Variants in SLC24A2 observed in about 807,000 individuals in gnomAD.
SLC24A2 encodes sodium/potassium/calcium exchanger 2.
A neutral mutation model predicts 62.0 loss-of-function variants in SLC24A2; 36 were observed. The ratio of observed to expected loss-of-function variants is 0.58; its 90% confidence interval spans 0.44 to 0.77. The LOEUF (loss-of-function observed/expected upper bound fraction) is 0.77, where lower values mean the gene tolerates loss of function less well. Ranked by LOEUF, SLC24A2 falls within the 30% of genes least tolerant of loss-of-function variation. SLC24A2 has a pLI of 0.00. For synonymous variants in SLC24A2, 358 were observed against 294.0 expected, an observed-to-expected ratio of 1.22 and a Z score of -2.23; for missense variants, 846 against 817.9, an observed-to-expected ratio of 1.03 and a Z score of -0.42.
chr9:20,002,951 G>C, the SLC24A2 span, among the ~76,000 whole-genome samples: 1 of 152,178 alleles, frequency 6.6e-6, no homozygotes, highest in South Asian at 2.1e-4. Flanking sequence ...CCCGTGTTTA[G>C]ATGGCTCTGT....
chr9:19,622,308 G>C lies in SLC24A2; in HGVS notation c.931-9C>G, dbSNP rs1817927416. 1.2e-6 allele frequency: 2 copies of C among 1,612,024 alleles called. No homozygotes were observed. Among genetic ancestry groups the C allele is most frequent in the Non-Finnish European group, 1.7e-6 (2 of 1,178,512 alleles). On this transcript the variant is annotated splice_polypyrimidine_tract_variant and intron_variant, in intron 2 of 10. Transcript: ENST00000341998. Reference sequence around the variant, plus strand: ...TCCCTGGCTGCAGATGGCTGCATAAGAGAAAAAGGCAAAGACAAAAGACAA... The same window carrying C: ...TCCCTGGCTGCAGATGGCTGCATAACAGAAAAAGGCAAAGACAAAAGACAA...
the SLC24A2 span, among the ~76,000 whole-genome samples, chr9:20,303,392 A>C: frequency 2.0e-5 from 3 of 152,166 alleles, no homozygotes; most frequent in African/African-American, 7.2e-5. Context: ...ATCTTGTAAG[A>C]GTTTATTTAT....
At chr9:19,609,239 T>C (rs966935520) in intron 4 of SLC24A2, among the ~76,000 whole-genome samples, 11 of 152,200 alleles carry the variant, frequency 7.2e-5, no homozygotes, top group Non-Finnish European at 1.3e-4. Flanking sequence ...GTCCCTTCAG[T>C]TGGGGATTCA....
chr9:20,214,629 TA>T, the SLC24A2 span, among the ~76,000 whole-genome samples: 87,961 of 150,102 alleles, frequency 0.59, 27,927 homozygotes, highest in Non-Finnish European at 0.73. Flanking sequence ...AAATAAAAAA[TA>T]AAAAAAAAAA....
intron 2 of SLC24A2, among the ~76,000 whole-genome samples, chr9:19,737,867 T>C (rs1182666): frequency 0.65 from 99,307 of 151,850 alleles, 32,817 homozygotes; most frequent in East Asian, 0.82. Context: ...TAACATGGAA[T>C]GTCCTTCTAT....
the SLC24A2 span, among the ~76,000 whole-genome samples, chr9:20,189,057 G>A: frequency 6.7e-6 from 1 of 148,978 alleles, no homozygotes; most frequent in South Asian, 2.1e-4. Flanking sequence ...AGAAATTAGG[G>A]TGGCTTTTCT....
chr9:19,938,973 A>T, the SLC24A2 span, among the ~76,000 whole-genome samples: 1 of 152,240 alleles, frequency 6.6e-6, no homozygotes, highest in Admixed American at 6.5e-5. Context: ...TAGGCAATAA[A>T]CAAATGGTAA....
At chr9:19,721,015 A>C (rs750216749) in intron 2 of SLC24A2, among the ~76,000 whole-genome samples, 3 of 152,114 alleles carry the variant, frequency 2.0e-5, no homozygotes, top group Non-Finnish European at 4.4e-5. Flanking sequence ...TCTGCTGTGG[A>C]GTGTGTACAG....
chr9:20,008,245 C>G, the SLC24A2 span, among the ~76,000 whole-genome samples: 12 of 151,934 alleles, frequency 7.9e-5, no homozygotes, highest in Non-Finnish European at 1.6e-4. Context: ...CTCCCCACCC[C>G]TATCCACTTG....
chr9:19,528,841 T>G (rs1437732532), intron 8 of SLC24A2, among the ~76,000 whole-genome samples: 1 of 152,192 alleles, frequency 6.6e-6, no homozygotes, highest in Admixed American at 6.5e-5. Context: ...CAAGAATGTT[T>G]TCTCTCCTGT....
the SLC24A2 span, among the ~76,000 whole-genome samples, chr9:19,987,626 T>A: frequency 6.6e-6 from 1 of 152,194 alleles, no homozygotes; most frequent in African/African-American, 2.4e-5. Flanking sequence ...ATGTATCCAT[T>A]TTCCAAAAAG....
At chr9:19,657,201 C>T (rs904175365) in intron 2 of SLC24A2, among the ~76,000 whole-genome samples, 45 of 152,092 alleles carry the variant, frequency 3.0e-4, no homozygotes, top group African/African-American at 1.1e-3. Context: ...GTGCATCTGT[C>T]GTGTATTGAG....
At chr9:19,660,553 G>A (rs1049688430) in intron 2 of SLC24A2, among the ~76,000 whole-genome samples, 8 of 152,172 alleles carry the variant, frequency 5.3e-5, no homozygotes. Flanking sequence ...GGGGACAGGT[G>A]AGGGAGCAGC....
the SLC24A2 span, among the ~76,000 whole-genome samples, chr9:19,998,442 C>T: frequency 6.6e-6 from 1 of 152,192 alleles, no homozygotes; most frequent in Admixed American, 6.5e-5. Context: ...GCCAGAGCCA[C>T]ATTCATTCAT....
intron 2 of SLC24A2, among the ~76,000 whole-genome samples, chr9:19,682,261 C>G (rs1318322723): frequency 6.6e-6 from 1 of 152,142 alleles, no homozygotes; most frequent in Non-Finnish European, 1.5e-5. Flanking sequence ...TAAGGCAGCA[C>G]ACGTGAAATG....
the SLC24A2 span, among the ~76,000 whole-genome samples, chr9:19,833,799 C>T: frequency 2.6e-5 from 4 of 152,220 alleles, no homozygotes; most frequent in Admixed American, 6.5e-5. Context: ...CCCTGACCCC[C>T]GAGTAGCCTA....
At chr9:20,223,780 G>A in the SLC24A2 span, among the ~76,000 whole-genome samples, 6 of 151,888 alleles carry the variant, frequency 4.0e-5, no homozygotes, top group African/African-American at 1.2e-4. Flanking sequence ...TTATTTAGGT[G>A]GAAAACAAAA....
chr9:20,290,523 G>C, the SLC24A2 span, among the ~76,000 whole-genome samples: 1 of 152,258 alleles, frequency 6.6e-6, no homozygotes, highest in Non-Finnish European at 1.5e-5. Flanking sequence ...GCATGTGTGA[G>C]CTCTGGCTGG....
intron 7 of SLC24A2, among the ~76,000 whole-genome samples, chr9:19,554,266 G>A (rs970594754): frequency 1.1e-4 from 17 of 152,168 alleles, no homozygotes; most frequent in Admixed American, 6.5e-4. Flanking sequence ...GACTTCTAGC[G>A]TCCAGAACTG....
Sources: allele counts gnomAD v4.1 joint callset (sites outside exome capture counted in the v4.1 genomes callset), GRCh38; gene constraint gnomAD v4.1.1; transcripts MANE v1.5; gene names NCBI Gene and HGNC (gene_info 2026-07-23, HGNC 2026-07-21).